The following WFS1 variants were observed in gnomAD, a reference collection of about 807,000 sequenced individuals.
WFS1 encodes the protein wolframin ER transmembrane glycoprotein.
Under a neutral mutation model 68.5 loss-of-function variants are expected in WFS1, and 90 were observed. The observed-to-expected ratio is 1.31, with a 90% CI of 1.11 to 1.56. WFS1 has a LOEUF of 1.56. Among genes scored for constraint, WFS1 ranks in the 40% most tolerant of loss-of-function variants. WFS1 has a pLI of 0.00. For missense variants in WFS1, 1,767 were observed against 1,232.6 expected, an observed-to-expected ratio of 1.43 and a Z score of -6.49; for synonymous variants, 860 against 540.7, an observed-to-expected ratio of 1.59 and a Z score of -8.19.
In WFS1 at chr4:6,295,152, C is replaced by T. The variant is rs769151204; in HGVS notation, c.824C>T (p.Ala275Val). 6.8e-6 allele frequency: 11 copies of T among 1,612,426 alleles called. No individual in the cohort carries two copies. The highest frequency in any genetic ancestry group is 3.6e-4 in the Middle Eastern group (2 of 5,600). ...GACGACGAAGATGATGACGAGCTGG[C>T]GGGGAAGAGCCCTGAGGACCTGCCA... is the stretch of plus-strand genomic sequence containing the variant. ...LQDDEDDDEL[A>V]GKSPEDLPLR... Residue 275 changes from alanine to valine, a missense_variant, in exon 7 of 8, where the codon GCG (alanine) becomes GTG (valine). Physicochemically the swap from Ala to Val is moderately conservative, Grantham distance 64. Coordinates refer to ENST00000226760, the MANE Select transcript of WFS1 (RefSeq NM_006005.3).
In WFS1 at chr4:6,301,628, CTGGTGGACCAAGGCCAGCTTCTCTG is replaced by C. The variant is rs1730923876; in HGVS notation, c.1840_1864del (p.Thr614GlyfsTer3). ...TCTGTAGTGTGCCCCTGCTGTTGCG[CTGGTGGACCAAGGCCAGCTTCTCTG>C]TGGTGGGGATGGTGAAGTCCCTGAC... On this transcript the variant is annotated frameshift_variant, in exon 8 of 8. Transcript: ENST00000226760. LOFTEE classifies it high-confidence loss of function. 6.2e-7 allele frequency: 1 copy of C among 1,614,008 alleles called. No individual in the cohort carries two copies. The highest frequency in any genetic ancestry group is 1.3e-5 in the African/African-American group (1 of 74,950).
chr4:6,299,126 A>T (rs1343275670), intron 7 of WFS1, among the ~76,000 whole-genome samples: 1 of 152,142 alleles, frequency 6.6e-6, no homozygotes, highest in Non-Finnish European at 1.5e-5. Flanking sequence ...TTTGTCCCCC[A>T]TCCCCTCCAG....
chr4:6,286,033 C>T (rs1730300003), intron 2 of WFS1, among the ~76,000 whole-genome samples: 1 of 152,038 alleles, frequency 6.6e-6, no homozygotes, highest in Non-Finnish European at 1.5e-5. Flanking sequence ...CGGTTCATGG[C>T]ACCACCGTAG....
rs766488272 is a variant in WFS1, at chr4:6,301,278, C to T, written c.1483C>T (p.His495Tyr). ...GACCTTCATCACCGTGCCTGTCGGC[C>T]ACCTGGTCGTCCTCAACGTCAGCGT... The part of the protein sequence containing the change: ...GQTFITVPVG[H>Y]LVVLNVSVPC... Residue 495 changes from histidine (H) to tyrosine (Y), a missense_variant, in exon 8 of 8, where the codon CAC (histidine) becomes TAC (tyrosine). By Grantham distance (83) the His-to-Tyr change is moderately conservative (BLOSUM62 2). Coordinates refer to ENST00000226760, the MANE Select transcript of WFS1 (RefSeq NM_006005.3). 6.2e-7 allele frequency: 1 copy of T among 1,611,474 alleles called. No homozygotes were observed. The highest frequency in any genetic ancestry group is 8.5e-7 in the Non-Finnish European group (1 of 1,180,020).
At chr4:6,278,199 G>C (rs917699835) in intron 2 of WFS1, among the ~76,000 whole-genome samples, 15 of 152,006 alleles carry the variant, frequency 9.9e-5, no homozygotes, top group Non-Finnish European at 1.9e-4. Flanking sequence ...AGCTGACTGA[G>C]GCCCTTGGTC....
chr4:6,270,252 C>T (rs913176213), intron 1 of WFS1, among the ~76,000 whole-genome samples: 6 of 151,594 alleles, frequency 4.0e-5, no homozygotes, highest in Non-Finnish European at 7.4e-5. Flanking sequence ...GGGGGCGCGC[C>T]CCGGTCCCCC....
At chr4:6,289,995 G>C (rs1186751129) in intron 4 of WFS1, among the ~76,000 whole-genome samples, 4 of 152,190 alleles carry the variant, frequency 2.6e-5, no homozygotes, top group Non-Finnish European at 5.9e-5. Context: ...CTAGAGTGCA[G>C]GGGTGCGATC....
In WFS1 at chr4:6,301,592, C is replaced by T. The variant is rs71524361; in HGVS notation, c.1797C>T (p.Val599=). The T allele has an allele frequency of 5.0e-6, 8 of 1,614,046 alleles. No homozygotes were observed. In the African/African-American group the frequency reaches 1.1e-4, roughly 22 times the overall value. ...CTCTGGAGCTCACCAAGATCGCAGTCACCGTGGCGGTCTGTAGTGTGCCCC... is the reference window on the plus strand; with the variant it reads ...CTCTGGAGCTCACCAAGATCGCAGTTACCGTGGCGGTCTGTAGTGTGCCCC... ...FTSLELTKIA[V]TVAVCSVPLL... is the part of the protein sequence containing the mutation. Residue 599 remains valine (V), a synonymous_variant, in exon 8 of 8, where the codon GTC becomes GTT. Coordinates refer to ENST00000226760, the MANE Select transcript of WFS1 (RefSeq NM_006005.3).
chr4:6,280,144 C>G (rs772572670), intron 2 of WFS1, among the ~76,000 whole-genome samples: 1 of 152,194 alleles, frequency 6.6e-6, no homozygotes, highest in Non-Finnish European at 1.5e-5. Context: ...CGTCCCTGTG[C>G]CAGGGCGGGA....
chr4:6,279,319 CT>C (rs1489115652), intron 2 of WFS1, among the ~76,000 whole-genome samples: 1 of 152,224 alleles, frequency 6.6e-6, no homozygotes, highest in Non-Finnish European at 1.5e-5. Context: ...AGCTAGGCAT[CT>C]TTTTAGGGCA....
In WFS1 at chr4:6,302,795, C is replaced by T. The variant is rs969260294; in HGVS notation, c.*327C>T. 8 of 442,244 alleles carry T rather than the reference C, an allele frequency of 1.8e-5. No individual in the cohort carries two copies. The highest frequency in any genetic ancestry group is 2.8e-5 in the Non-Finnish European group (7 of 246,584). 27.4% of individuals were successfully genotyped at this position (442,244 alleles called of 1,614,324 possible). Reference sequence around the variant, plus strand: ...GCACTTTACAGATGAGATTCCCTCTCCTCCCCCACCTTCAAGCACCCTGTT... The same window carrying T: ...GCACTTTACAGATGAGATTCCCTCTTCTCCCCCACCTTCAAGCACCCTGTT... On this transcript the variant is annotated 3_prime_UTR_variant, in exon 8 of 8. Transcript: ENST00000226760.
chr4:6,297,288 G>A lies in WFS1; in HGVS notation c.861+2099G>A, dbSNP rs140806861. On this transcript the variant is annotated intron_variant, in intron 7 of 7. Transcript: ENST00000226760. The stretch of plus-strand genomic sequence containing the variant: ...AGGGAGGCAATGAATCGTCACAAGC[G>A]TCTCCCAGGGCTGAGAGCTGTCCCA... Among the ~76,000 whole-genome samples the A allele has an allele frequency of 1.2e-3, 186 of 152,236 alleles. 2 individuals carry two copies. The Middle Eastern group carries it at 0.02, about 17-fold the overall frequency.
intron 7 of WFS1, among the ~76,000 whole-genome samples, chr4:6,300,424 G>T (rs902261630): frequency 6.6e-6 from 1 of 152,062 alleles, no homozygotes; most frequent in Non-Finnish European, 1.5e-5. Flanking sequence ...AGCCAGGCAC[G>T]GGGCAGAGGG....
chr4:6,277,888 C>T (rs925815144), intron 2 of WFS1, among the ~76,000 whole-genome samples: 3 of 152,268 alleles, frequency 2.0e-5, no homozygotes, highest in Admixed American at 2.0e-4. Context: ...TTGTGGCACC[C>T]ACTCGAGGTG....
intron 7 of WFS1, among the ~76,000 whole-genome samples, chr4:6,297,782 G>A (rs572756524): frequency 4.6e-5 from 7 of 152,274 alleles, no homozygotes; most frequent in African/African-American, 1.7e-4. Context: ...AGTTGAATTT[G>A]TTTGGACCTT....
chr4:6,283,118 C>T lies in WFS1; in HGVS notation c.233-3975C>T, dbSNP rs1421277731. Among the ~76,000 whole-genome samples the T allele has an allele frequency of 6.6e-6, 1 of 152,032 alleles. No homozygotes were observed. Among genetic ancestry groups the T allele is most frequent in the African/African-American group, 2.4e-5 (1 of 41,378 alleles). On this transcript the variant is annotated intron_variant, in intron 2 of 7. Transcript: ENST00000226760. This position sits in a 1 kb window ranked among gnomAD's most constrained non-coding sequence, Gnocchi z 5.0. ...GGAAGGGGCGCATCCTGGAGGATGCCCTAGGTAGTGCCTGAGAAAGTGAGG... is the reference window on the plus strand; with the variant it reads ...GGAAGGGGCGCATCCTGGAGGATGCTCTAGGTAGTGCCTGAGAAAGTGAGG...
chr4:6,287,537 C>T lies in WFS1; in HGVS notation c.315+362C>T, dbSNP rs1265140703. Among the ~76,000 whole-genome samples the T allele has an allele frequency of 2.6e-5, 4 of 152,220 alleles. No homozygotes were observed. The highest frequency in any genetic ancestry group is 9.6e-5 in the African/African-American group (4 of 41,458). On this transcript the variant is annotated intron_variant, in intron 3 of 7. Coordinates refer to ENST00000226760, the MANE Select transcript of WFS1 (RefSeq NM_006005.3). The surrounding 1 kb of genome is among the most constrained non-coding windows in gnomAD (Gnocchi z 6.4). ...TCTTGTCTCCCTGACTGGCCTTTCACCTGGCTGTTAGCTGTGTGCACGGGG... is the reference window on the plus strand; with the variant it reads ...TCTTGTCTCCCTGACTGGCCTTTCATCTGGCTGTTAGCTGTGTGCACGGGG...
Position 6,302,210 on chromosome 4 carries a change from G to T in WFS1, c.2415G>T (p.Arg805=), listed in dbSNP as rs774850274. ...EDDVTKDIVL[R]ASSEFKSVLL... is the part of the protein sequence containing the mutation. ...ACGTCACCAAGGACATCGTGCTGCG[G>T]GCCAGCAGCGAGTTCAAGAGCGTGC... Residue 805 remains arginine (R), a synonymous_variant, in exon 8 of 8, where the codon CGG becomes CGT. Transcript: ENST00000226760. The T allele has an allele frequency of 1.9e-6, 3 of 1,611,074 alleles. No homozygotes were observed. The South Asian group carries it at 3.3e-5, about 18-fold the overall frequency.
At position 6,295,166 on chromosome 4, in the gene WFS1, G is replaced by A; in HGVS notation, c.838G>A (p.Glu280Lys). ...TGACGAGCTGGCGGGGAAGAGCCCT[G>A]AGGACCTGCCACTGCGTCTGAAGGT... ...DDDELAGKSP[E>K]DLPLRLKVVK... The change falls in exon 7 of 8, where the codon GAG becomes AAG. Residue 280 changes from glutamate (E) to lysine (K), a missense_variant. By Grantham distance (56) the Glu-to-Lys change is moderately conservative. Coordinates refer to ENST00000226760, the MANE Select transcript of WFS1 (RefSeq NM_006005.3). The A allele has an allele frequency of 1.2e-6, 2 of 1,612,104 alleles. No individual in the cohort carries two copies. Among genetic ancestry groups the A allele is most frequent in the East Asian group, 4.5e-5 (2 of 44,892 alleles).
Sources: allele counts gnomAD v4.1 joint callset (sites outside exome capture counted in the v4.1 genomes callset), GRCh38; gene constraint gnomAD v4.1.1; non-coding constraint Gnocchi (gnomAD v3.1); transcripts MANE v1.5; gene names NCBI Gene and HGNC (gene_info 2026-07-23, HGNC 2026-07-21).